Variants in SLC44A1 observed in about 807,000 individuals in gnomAD.
SLC44A1 encodes the protein solute carrier family 44 member 1, also known as choline transporter-like protein 1.
In SLC44A1, 26 loss-of-function variants were observed where a neutral mutation model predicts 79.3. The ratio of observed to expected loss-of-function variants is 0.33; its 90% CI spans 0.24 to 0.46. The LOEUF (loss-of-function observed/expected upper bound fraction) is 0.46, where lower values mean the gene tolerates loss of function less well. Among genes scored for constraint, SLC44A1 ranks in the 20% least tolerant of loss-of-function variants. SLC44A1 has a pLI of 1.00. For missense variants in SLC44A1, 688 were observed against 798.1 expected (o/e 0.86, Z 1.66); for synonymous variants, 263 against 286.2 (o/e 0.92, Z 0.82).
chr9:105,348,848 T>G (rs962241210), intron 5 of SLC44A1, among the ~76,000 whole-genome samples: 1 of 152,152 alleles, frequency 6.6e-6, no homozygotes, highest in South Asian at 2.1e-4. Context: ...TGTTTTAAAT[T>G]TATTTTGTAA....
At chr9:105,373,794 C>T (rs553742764) in intron 12 of SLC44A1, among the ~76,000 whole-genome samples, 12 of 152,198 alleles carry the variant, frequency 7.9e-5, no homozygotes, top group Non-Finnish European at 1.8e-4. Context: ...CATTCAAACC[C>T]TCACACCTTC....
rs575924649 is a variant in SLC44A1, at chr9:105,412,683, C to T, written c.1951-25598C>T. On this transcript the variant is annotated intron_variant, in intron 15 of 15. Coordinates refer to the SLC44A1 transcript ENST00000374724. ...GTGGCGCCATCTCAGCTCACTGCAA[C>T]CTCCGCCCCCTGGGTTCTAGCGATT... Among the ~76,000 whole-genome samples the T allele has an allele frequency of 1.2e-4, 19 of 152,128 alleles. No individual in the cohort carries two copies. The South Asian group carries it at 3.3e-3, about 27-fold the overall frequency.
At chr9:105,348,298 G>GAATA in intron 4 of SLC44A1, 60 bp from the exon 5 acceptor site, 3 of 855,480 alleles carry the variant, frequency 3.5e-6, no homozygotes, top group Non-Finnish European at 5.8e-6. Context: ...AAATTAAAAT[G>GAATA]AATAGTAAGA....
At chr9:105,427,852 C>T (rs1043522367) in intron 15 of SLC44A1, among the ~76,000 whole-genome samples, 4 of 152,210 alleles carry the variant, frequency 2.6e-5, no homozygotes, top group African/African-American at 9.6e-5. Context: ...TCATTCTTAT[C>T]ACCCTTAATA....
intron 4 of SLC44A1, among the ~76,000 whole-genome samples, chr9:105,340,542 CTTTAT>C (rs1297457849): frequency 1.3e-5 from 2 of 152,238 alleles, no homozygotes; most frequent in Non-Finnish European, 2.9e-5. Context: ...TTTATGTTGC[CTTTAT>C]TTTATCATAA....
chr9:105,253,083 G>T (rs1829627550), intron 1 of SLC44A1, among the ~76,000 whole-genome samples: 1 of 151,976 alleles, frequency 6.6e-6, no homozygotes, highest in Admixed American at 6.6e-5. Flanking sequence ...TTATTTTTTT[G>T]TGAAAATATT....
At chr9:105,261,087 GC>G (rs1383974604) in intron 1 of SLC44A1, among the ~76,000 whole-genome samples, 1 of 152,100 alleles carries the variant, frequency 6.6e-6, no homozygotes, top group East Asian at 1.9e-4. Context: ...AAAACTAGCT[GC>G]CGTTCAAACT....
chr9:105,271,110 G>A (rs972596288), intron 1 of SLC44A1, among the ~76,000 whole-genome samples: 3 of 152,208 alleles, frequency 2.0e-5, no homozygotes, highest in African/African-American at 7.2e-5. Flanking sequence ...ACCAAGCGTG[G>A]CTTTAAGTCC....
intron 15 of SLC44A1, among the ~76,000 whole-genome samples, chr9:105,429,824 T>G (rs1373323508): frequency 1.4e-5 from 2 of 144,830 alleles, no homozygotes; most frequent in Non-Finnish European, 2.9e-5. Flanking sequence ...TGGTGTGATC[T>G]CAATTTTATT....
intron 5 of SLC44A1, among the ~76,000 whole-genome samples, chr9:105,354,039 CTTTT>C (rs556502972): frequency 8.9e-4 from 88 of 98,462 alleles, no homozygotes; most frequent in African/African-American, 4.0e-3. Flanking sequence ...ACAGTTAATC[CTTTT>C]TTTTTTTTTT....
chr9:105,335,000 G>A (rs10991630), intron 3 of SLC44A1, among the ~76,000 whole-genome samples: 3,829 of 152,184 alleles, frequency 0.025, 52 homozygotes, highest in Middle Eastern at 0.048. Flanking sequence ...AACACCCAGC[G>A]ATGACTGTAG....
chr9:105,361,213 G>A lies in SLC44A1; in HGVS notation c.783G>A (p.Trp261Ter). Residue 261 changes from tryptophan to a stop codon, truncating the protein, a stop_gained, in exon 8 of 16, where the codon TGG becomes TGA. Coordinates refer to ENST00000374720, the MANE Select transcript of SLC44A1 (RefSeq NM_080546.5). LOFTEE classifies it high-confidence loss of function. ...GSLGGTGVLWWLYAKQRRSPK... is the reference protein window; with the variant it reads ...GSLGGTGVLW Reference sequence around the variant, plus strand: ...CAGGAGGCACAGGTGTACTATGGTGGCTGTATGCAAAGCAAAGAAGGTCTC... The same window carrying A: ...CAGGAGGCACAGGTGTACTATGGTGACTGTATGCAAAGCAAAGAAGGTCTC... The A allele has an allele frequency of 1.9e-6, 3 of 1,614,104 alleles. No homozygotes were observed. Among genetic ancestry groups the A allele is most frequent in the Non-Finnish European group, 2.5e-6 (3 of 1,179,950 alleles).
intron 3 of SLC44A1, among the ~76,000 whole-genome samples, chr9:105,315,663 G>A (rs7021567): frequency 1.3e-5 from 2 of 152,040 alleles, no homozygotes; most frequent in Non-Finnish European, 2.9e-5. Flanking sequence ...TCTTTAATTA[G>A]CATGTAAAAC....
At chr9:105,407,476 A>G (rs1260182669) in intron 15 of SLC44A1, among the ~76,000 whole-genome samples, 1 of 152,242 alleles carries the variant, frequency 6.6e-6, no homozygotes, top group Non-Finnish European at 1.5e-5. Flanking sequence ...TTATTCCCTG[A>G]TTTATCAGAA....
intron 9 of SLC44A1, 105 bp from the exon 10 acceptor site, chr9:105,364,450 A>G: frequency 1.2e-6 from 1 of 849,608 alleles, no homozygotes; most frequent in Non-Finnish European, 1.9e-6. Flanking sequence ...CACAGATCAG[A>G]AGGTTTGTGG....
chr9:105,348,196 A>G lies in SLC44A1; in HGVS notation c.407-162A>G, dbSNP rs187133050. On this transcript the variant is annotated intron_variant, in intron 4 of 15. Coordinates refer to ENST00000374720, the MANE Select transcript of SLC44A1 (RefSeq NM_080546.5). ...TTAATAGTAATTTTAGAGAAGAATC[A>G]GTTTTAAATGATTGAGGACTTATAA... Among the ~76,000 whole-genome samples the G allele has an allele frequency of 3.9e-5, 6 of 152,266 alleles. No homozygotes were observed. The East Asian group carries it at 1.2e-3, about 29-fold the overall frequency.
chr9:105,279,673 C>G (rs1442375977), intron 1 of SLC44A1, among the ~76,000 whole-genome samples: 1 of 152,128 alleles, frequency 6.6e-6, no homozygotes, highest in Non-Finnish European at 1.5e-5. Flanking sequence ...CAGTCTTGTA[C>G]TCGACAGTGA....
chr9:105,426,340 A>G, intron 15 of SLC44A1, among the ~76,000 whole-genome samples: 1 of 152,220 alleles, frequency 6.6e-6, no homozygotes. Flanking sequence ...ATTTACATTG[A>G]CATTTACATT....
In SLC44A1 at chr9:105,391,784, T is replaced by C. The variant is rs2131483574; in HGVS notation, c.*2728T>C. The C allele has an allele frequency of 1.0e-6, 1 of 985,402 alleles. No homozygotes were observed. The highest frequency in any genetic ancestry group is 1.1e-4 in the East Asian group (1 of 8,818). 61.0% of individuals were successfully genotyped at this position (985,402 alleles called of 1,614,324 possible). A position where few individuals can be genotyped will look rare whatever the true frequency, so the allele number is the denominator to read the frequency against. On this transcript the variant is annotated 3_prime_UTR_variant, in exon 16 of 16. Coordinates refer to ENST00000374720, the MANE Select transcript of SLC44A1 (RefSeq NM_080546.5). ...TAGATGAAGAACAGAAATTTCTCTG[T>C]GAAATGTGGATACCCGAATAATTTC...
Sources: allele counts gnomAD v4.1 joint callset (sites outside exome capture counted in the v4.1 genomes callset), GRCh38; gene constraint gnomAD v4.1.1; transcripts MANE v1.5; gene names NCBI Gene and HGNC (gene_info 2026-07-23, HGNC 2026-07-21).